PCDH7: variants seen among roughly 807,000 people sequenced by gnomAD.
The protein encoded by PCDH7 is protocadherin-7.
A neutral mutation model predicts 58.9 loss-of-function variants in PCDH7; 17 were observed. The ratio of observed to expected loss-of-function variants is 0.29; its 90% CI spans 0.20 to 0.43. PCDH7 has a LOEUF of 0.43. Among genes scored for constraint, PCDH7 ranks in the 20% least tolerant of loss-of-function variants. The pLI is 1.00. For synonymous variants in PCDH7, 664 were observed against 616.4 expected (o/e 1.08, Z -1.14); for missense variants, 1,274 against 1,441.0 (o/e 0.88, Z 1.88).
At chr4:31,055,516 A>G (rs1578671445) in intron 3 of PCDH7, among the ~76,000 whole-genome samples, 1 of 152,228 alleles carries the variant, frequency 6.6e-6, no homozygotes, top group East Asian at 1.9e-4. Context: ...CTTAGTAAAC[A>G]TCTAGCAACA....
chr4:31,066,716 A>G (rs1758125293), intron 3 of PCDH7, among the ~76,000 whole-genome samples: 1 of 151,916 alleles, frequency 6.6e-6, no homozygotes, highest in African/African-American at 2.4e-5. Flanking sequence ...TTGACACAAT[A>G]CTTAACATCC....
intron 1 of PCDH7, among the ~76,000 whole-genome samples, chr4:30,881,860 T>C (rs1383260692): frequency 6.6e-6 from 1 of 152,160 alleles, no homozygotes; most frequent in Non-Finnish European, 1.5e-5. Flanking sequence ...TTCCTTAATC[T>C]GAAGTATTTT....
At chr4:30,812,592 G>A (rs183234735) in intron 1 of PCDH7, among the ~76,000 whole-genome samples, 2 of 152,168 alleles carry the variant, frequency 1.3e-5, no homozygotes, top group East Asian at 3.9e-4. Flanking sequence ...TTCAAAATAT[G>A]AGAGCATAAA....
intron 1 of PCDH7, among the ~76,000 whole-genome samples, chr4:30,881,107 G>A (rs1040866701): frequency 2.0e-5 from 3 of 152,004 alleles, no homozygotes; most frequent in African/African-American, 4.8e-5. Context: ...TGGACTTATA[G>A]AACATCTCCT....
intron 1 of PCDH7, among the ~76,000 whole-genome samples, chr4:30,849,753 C>T (rs1732472644): frequency 6.6e-6 from 1 of 152,080 alleles, no homozygotes; most frequent in African/African-American, 2.4e-5. Context: ...TCTCAAGCTT[C>T]AAATTCTGTG....
chr4:31,093,137 T>C (rs1010062067), intron 3 of PCDH7, among the ~76,000 whole-genome samples: 8 of 152,122 alleles, frequency 5.3e-5, no homozygotes, highest in African/African-American at 1.9e-4. Context: ...CTTATTTCCC[T>C]CAGATATTGC....
At chr4:31,031,581 T>C (rs1404643848) in intron 3 of PCDH7, among the ~76,000 whole-genome samples, 1 of 152,222 alleles carries the variant, frequency 6.6e-6, no homozygotes, top group Non-Finnish European at 1.5e-5. Context: ...AAGAATTGTA[T>C]TTTCTTATTT....
rs545972421 is a variant in PCDH7, at chr4:31,057,681, A to G, written c.*8-84792A>G. ...GATCATTTAAATACATTGTTTAAAA[A>G]TCTTACTTAGTTTAGAAAAATTTAT... On this transcript the variant is annotated intron_variant, in intron 3 of 3. Transcript: ENST00000509759. Among the ~76,000 whole-genome samples, 62 of 152,282 alleles carry G rather than the reference A, an allele frequency of 4.1e-4. 1 individual carries two copies. The South Asian group carries it at 0.012, about 30-fold the overall frequency.
rs201692269 is a variant in PCDH7 at position 30,728,277 on chromosome 4, GTATATA to G, written c.3175-2461_3175-2456del. ...TGTGTGTGTGTGTATACATACATAT[GTATATA>G]TATATATATATATAGAGAGAGAGAG... On this transcript the variant is annotated intron_variant, in intron 1 of 1. Transcript: ENST00000361762. Among the ~76,000 whole-genome samples the G allele has an allele frequency of 1.2e-3, 172 of 139,716 alleles. 1 individual carries two copies. Among genetic ancestry groups the G allele is most frequent in the Middle Eastern group, 3.7e-3 (1 of 268 alleles). The allele number at this position is 139,716 out of a possible 152,430, so 91.7% of individuals were successfully genotyped here. A position where few individuals can be genotyped will look rare whatever the true frequency, so the allele number is the denominator to read the frequency against.
At chr4:30,873,769 T>A (rs1735921833) in intron 1 of PCDH7, among the ~76,000 whole-genome samples, 2 of 152,074 alleles carry the variant, frequency 1.3e-5, no homozygotes, top group South Asian at 4.1e-4. Flanking sequence ...CTAATTTGGA[T>A]AAATTCAAAT....
At chr4:30,782,959 G>A (rs1560365432) in intron 1 of PCDH7, 1 of 152,142 alleles carries the variant, frequency 6.6e-6, no homozygotes, top group Non-Finnish European at 1.5e-5. Context: ...CAAATGCCAA[G>A]GTACCATATT....
chr4:30,909,854 G>T (rs916281832), intron 1 of PCDH7, among the ~76,000 whole-genome samples: 2 of 152,142 alleles, frequency 1.3e-5, no homozygotes, highest in Non-Finnish European at 2.9e-5. Context: ...CCAAAAAAGA[G>T]CCCATATAGC....
At chr4:30,827,728 C>T (rs1486554678) in intron 1 of PCDH7, among the ~76,000 whole-genome samples, 4 of 151,920 alleles carry the variant, frequency 2.6e-5, no homozygotes, top group Admixed American at 2.6e-4. Flanking sequence ...AGAGAGTAGC[C>T]TGTAGGAGAT....
intron 3 of PCDH7, among the ~76,000 whole-genome samples, chr4:30,984,518 G>C (rs563140088): frequency 6.6e-6 from 1 of 152,320 alleles, no homozygotes; most frequent in Admixed American, 6.5e-5. Flanking sequence ...TGACAGTATA[G>C]TTCTTTTCAA....
downstream of PCDH7, chr4:31,146,344 T>C (rs1720668367): frequency 7.6e-6 from 1 of 132,184 alleles, no homozygotes; most frequent in Non-Finnish European, 1.6e-5. Flanking sequence ...AATGTGTCCT[T>C]AAGCAAAAAT....
chr4:30,761,679 C>T (rs1720042934), intron 1 of PCDH7, among the ~76,000 whole-genome samples: 1 of 152,054 alleles, frequency 6.6e-6, no homozygotes, highest in African/African-American at 2.4e-5. Flanking sequence ...ACATTCAAAT[C>T]CAGTAAATAA....
At chr4:31,125,659 G>A (rs546328251) in intron 3 of PCDH7, among the ~76,000 whole-genome samples, 1 of 152,146 alleles carries the variant, frequency 6.6e-6, no homozygotes, top group Non-Finnish European at 1.5e-5. Context: ...GCTAGGAAGT[G>A]GCAGTGAGCC....
intron 1 of PCDH7, among the ~76,000 whole-genome samples, chr4:30,815,329 C>T (rs7356527): frequency 0.012 from 1,892 of 151,810 alleles, 41 homozygotes; most frequent in African/African-American, 0.043. Context: ...GGGGAGAGAC[C>T]GAAATGAGTT....
intron 3 of PCDH7, among the ~76,000 whole-genome samples, chr4:31,073,444 C>A (rs1011915819): frequency 1.3e-5 from 2 of 152,108 alleles, no homozygotes; most frequent in African/African-American, 4.8e-5. Flanking sequence ...ATTAGCTCAA[C>A]TGACTCATCA....
Sources: allele counts gnomAD v4.1 joint callset (sites outside exome capture counted in the v4.1 genomes callset), GRCh38; gene constraint gnomAD v4.1.1; transcripts MANE v1.5; gene names NCBI Gene and HGNC (gene_info 2026-07-23, HGNC 2026-07-21).